The following TMEM74 variants were observed in gnomAD, a reference collection of about 807,000 sequenced individuals.
TMEM74 encodes transmembrane protein 74.
A neutral mutation model predicts 18.1 loss-of-function variants in TMEM74; 13 were observed. The observed-to-expected ratio is 0.72, with a 90% CI of 0.47 to 1.14. TMEM74 has a LOEUF of 1.14. Among genes scored for constraint, TMEM74 ranks in the 50% most tolerant of loss-of-function variants. The probability of loss-of-function intolerance (pLI) is 0.00; values close to 1 mark genes in which losing one functional copy is unlikely to be tolerated. For synonymous variants in TMEM74, 159 were observed against 146.6 expected (o/e 1.08, Z -0.61); for missense variants, 372 against 375.9 (o/e 0.99, Z 0.09).
chr8:108,724,301 A>G (rs1813612811), intron 1 of TMEM74, among the ~76,000 whole-genome samples: 1 of 152,150 alleles, frequency 6.6e-6, no homozygotes, highest in Non-Finnish European at 1.5e-5. Flanking sequence ...TGTCTTCATG[A>G]CTGAACTCTT....
intron 1 of TMEM74, among the ~76,000 whole-genome samples, chr8:108,696,469 A>C (rs1255712653): frequency 1.3e-5 from 2 of 152,230 alleles, no homozygotes; most frequent in Non-Finnish European, 2.9e-5. Context: ...CTATTATTTA[A>C]TGAATATCCA....
At chr8:108,751,037 A>G (rs1586284121) in intron 1 of TMEM74, among the ~76,000 whole-genome samples, 4 of 152,248 alleles carry the variant, frequency 2.6e-5, no homozygotes, top group African/African-American at 9.6e-5. Context: ...ACCGACCCGT[A>G]TGGATTCACC....
chr8:108,665,336 G>A (rs554165277), intron 1 of TMEM74, among the ~76,000 whole-genome samples: 5 of 152,250 alleles, frequency 3.3e-5, no homozygotes, highest in Admixed American at 3.3e-4. Context: ...TGGGAAAATA[G>A]CCTTGTTATA....
rs1036360213 is a variant in TMEM74, at chr8:108,645,786, C to G, written n.264+9507G>C. ...ACATTCAGACATTCTAAGAGATAAC[C>G]AAGGGATTAATTTATCCCCATCCCC... On this transcript the variant is annotated intron_variant and non_coding_transcript_variant, in intron 2 of 3. Coordinates refer to the TMEM74 transcript ENST00000518838. Among the ~76,000 whole-genome samples, 4 of 152,080 alleles carry G rather than the reference C, an allele frequency of 2.6e-5. No individual in the cohort carries two copies. The East Asian group carries it at 7.7e-4, about 29-fold the overall frequency.
chr8:108,653,715 T>G (rs1199731496), intron 2 of TMEM74, among the ~76,000 whole-genome samples: 1 of 152,128 alleles, frequency 6.6e-6, no homozygotes, highest in Non-Finnish European at 1.5e-5. Flanking sequence ...CACAGCACAG[T>G]GCATAAAGAT....
intron 2 of TMEM74, among the ~76,000 whole-genome samples, chr8:108,645,963 T>A (rs1812713149): frequency 6.6e-6 from 1 of 152,144 alleles, no homozygotes. Flanking sequence ...ATTTCCTACA[T>A]GTCTAAGTTT....
At chr8:108,740,819 AAACC>A (rs1813792822) in intron 1 of TMEM74, among the ~76,000 whole-genome samples, 2 of 152,196 alleles carry the variant, frequency 1.3e-5, no homozygotes, top group Admixed American at 1.3e-4. Flanking sequence ...TCTACCCTAA[AAACC>A]AATAAGTTCT....
intron 1 of TMEM74, among the ~76,000 whole-genome samples, chr8:108,726,560 T>A (rs1224630642): frequency 6.6e-6 from 1 of 152,186 alleles, no homozygotes; most frequent in Non-Finnish European, 1.5e-5. Flanking sequence ...ATCAAATAAG[T>A]GTAAAAACAT....
intron 1 of TMEM74, among the ~76,000 whole-genome samples, chr8:108,723,688 T>C (rs1813607526): frequency 6.6e-6 from 1 of 152,034 alleles, no homozygotes; most frequent in African/African-American, 2.4e-5. Context: ...TTCAGCGTAT[T>C]GAAAAAATGA....
intron 1 of TMEM74, among the ~76,000 whole-genome samples, chr8:108,713,460 A>G (rs972232970): frequency 4.6e-5 from 7 of 152,204 alleles, no homozygotes; most frequent in African/African-American, 1.4e-4. Context: ...CATTCAATAC[A>G]TATTTTTTAT....
At chr8:108,688,496 A>G (rs936508468) in intron 1 of TMEM74, among the ~76,000 whole-genome samples, 8 of 152,196 alleles carry the variant, frequency 5.3e-5, no homozygotes, top group African/African-American at 1.9e-4. Flanking sequence ...CAATATTGGT[A>G]TCCCTCCCCT....
At chr8:108,758,954 G>A (rs1041729083) in intron 1 of TMEM74, among the ~76,000 whole-genome samples, 4 of 151,928 alleles carry the variant, frequency 2.6e-5, no homozygotes, top group Non-Finnish European at 4.4e-5. Context: ...GCCAAATGAC[G>A]ATACCATACT....
At chr8:108,623,121 C>G (rs1312265224) in intron 2 of TMEM74, among the ~76,000 whole-genome samples, 1 of 152,018 alleles carries the variant, frequency 6.6e-6, no homozygotes, top group East Asian at 1.9e-4. Context: ...TTTATTGGTC[C>G]TCTACTCCTT....
intron 1 of TMEM74, among the ~76,000 whole-genome samples, chr8:108,745,975 AC>A (rs1363028973): frequency 1.3e-5 from 2 of 151,742 alleles, no homozygotes; most frequent in African/African-American, 2.4e-5. Flanking sequence ...TCTCACACGC[AC>A]CCCCTTAGAG....
intron 1 of TMEM74, among the ~76,000 whole-genome samples, chr8:108,690,375 G>GT (rs1554572974): frequency 1.1e-4 from 16 of 140,474 alleles, no homozygotes; most frequent in South Asian, 2.2e-4. Flanking sequence ...TTACAATACT[G>GT]TTTTTTTTTG....
At chr8:108,615,934 G>A (rs774675762) in intron 2 of TMEM74, among the ~76,000 whole-genome samples, 6 of 146,580 alleles carry the variant, frequency 4.1e-5, no homozygotes, top group Non-Finnish European at 5.9e-5. Context: ...CTACAGGCAC[G>A]TGCCACCACA....
chr8:108,712,081 AC>A (rs1813480739), intron 1 of TMEM74, among the ~76,000 whole-genome samples: 1 of 151,820 alleles, frequency 6.6e-6, no homozygotes, highest in Non-Finnish European at 1.5e-5. Context: ...CAGGATACCC[AC>A]CCCCAGATTA....
rs1215814300 is a variant in TMEM74 at position 108,783,648 on chromosome 8, C to G, written c.*533G>C. 1 of 152,136 alleles carries G rather than the reference C, an allele frequency of 6.6e-6. No homozygotes were observed. Among genetic ancestry groups the G allele is most frequent in the African/African-American group, 2.4e-5 (1 of 41,420 alleles). The allele number at this position is 152,136 out of a possible 1,614,324, so 9.4% of individuals were successfully genotyped here. ...TTTTACAATAAGGAAAGCCCAACAT[C>G]CTCAAACTTCAAAATATTCAAACTA... is the stretch of plus-strand genomic sequence containing the variant. On this transcript the variant is annotated 3_prime_UTR_variant, in exon 2 of 2. Coordinates refer to ENST00000297459, the MANE Select transcript of TMEM74 (RefSeq NM_153015.3).
intron 1 of TMEM74, among the ~76,000 whole-genome samples, chr8:108,685,818 T>G (rs1046748942): frequency 6.6e-6 from 1 of 152,156 alleles, no homozygotes; most frequent in Non-Finnish European, 1.5e-5. Flanking sequence ...ATCTCTTTTC[T>G]ATTAACAATA....
Sources: allele counts gnomAD v4.1 joint callset (sites outside exome capture counted in the v4.1 genomes callset), GRCh38; gene constraint gnomAD v4.1.1; transcripts MANE v1.5; gene names NCBI Gene and HGNC (gene_info 2026-07-23, HGNC 2026-07-21).